Variants in CDH22 observed in about 807,000 individuals in gnomAD.
CDH22 encodes the protein cadherin-22.
In CDH22, 30 loss-of-function variants were observed where a neutral mutation model predicts 58.4. The ratio of observed to expected loss-of-function variants is 0.51; its 90% CI spans 0.38 to 0.70. The LOEUF is 0.70. Among genes scored for constraint, CDH22 ranks in the 30% least tolerant of loss-of-function variants. The pLI, the probability that CDH22 is intolerant of heterozygous loss-of-function variation, is 0.00. For missense variants in CDH22, 1,014 were observed against 1,233.9 expected, an observed-to-expected ratio of 0.82 and a Z score of 2.67; for synonymous variants, 513 against 558.2, an observed-to-expected ratio of 0.92 and a Z score of 1.14.
At chr20:46,271,415 C>T (rs958587272) in intron 1 of CDH22, among the ~76,000 whole-genome samples, 4 of 152,174 alleles carry the variant, frequency 2.6e-5, no homozygotes, top group African/African-American at 7.2e-5. Flanking sequence ...AGCATTTAAA[C>T]GTGCTCAAGT....
intron 1 of CDH22, among the ~76,000 whole-genome samples, chr20:46,290,781 C>A (rs1355933275): frequency 6.6e-6 from 1 of 151,842 alleles, no homozygotes; most frequent in African/African-American, 2.4e-5. Flanking sequence ...AGGGTGGGAG[C>A]TGGTGAAAGA....
chr20:46,258,294 C>T (rs2086416119), intron 1 of CDH22, among the ~76,000 whole-genome samples: 1 of 152,066 alleles, frequency 6.6e-6, no homozygotes, highest in Non-Finnish European at 1.5e-5. Context: ...CTGTTGCCCC[C>T]ACCCCCCAAC....
chr20:46,213,299 C>T, intron 5 of CDH22, 111 bp from the exon 6 acceptor site: 1 of 711,306 alleles, frequency 1.4e-6, no homozygotes. Context: ...GAGGACAGTG[C>T]CTGAAAGGGG....
chr20:46,248,846 A>G (rs978683852), intron 2 of CDH22, among the ~76,000 whole-genome samples: 1 of 152,098 alleles, frequency 6.6e-6, no homozygotes, highest in African/African-American at 2.4e-5. Context: ...CAACAACAAC[A>G]ACAAACACTT....
chr20:46,210,656 TCACACG>T lies in CDH22; in HGVS notation c.1033-102_1033-97del. The T allele has an allele frequency of 8.4e-7, 1 of 1,194,892 alleles. No individual in the cohort carries two copies. Among genetic ancestry groups the T allele is most frequent in the Non-Finnish European group, 1.1e-6 (1 of 898,130 alleles). 74.0% of individuals were successfully genotyped at this position (1,194,892 alleles called of 1,614,324 possible). A position where few individuals can be genotyped will look rare whatever the true frequency, so the allele number is the denominator to read the frequency against. Reference sequence around the variant, plus strand: ...CAAGGCAGGCGGGGTTGGCCCAAGGTCACACGTTGTCTCAGCAGGGGCGGCAGGGAT... The same window carrying T: ...CAAGGCAGGCGGGGTTGGCCCAAGGTTTGTCTCAGCAGGGGCGGCAGGGAT... On this transcript the variant is annotated intron_variant, in intron 6 of 11. Coordinates refer to ENST00000537909, the MANE Select transcript of CDH22 (RefSeq NM_021248.3). The surrounding 1 kb of genome is among the most constrained non-coding windows in gnomAD (Gnocchi z 4.5).
intron 10 of CDH22, among the ~76,000 whole-genome samples, chr20:46,182,462 G>A (rs2085795921): frequency 1.3e-5 from 2 of 152,210 alleles, no homozygotes; most frequent in South Asian, 2.1e-4. Flanking sequence ...GGCTGGCTCC[G>A]GCTCAGCTTC....
chr20:46,298,607 A>T (rs2086638473), intron 1 of CDH22, among the ~76,000 whole-genome samples: 2 of 152,044 alleles, frequency 1.3e-5, no homozygotes, highest in African/African-American at 4.8e-5. Context: ...CTGGAGGATG[A>T]TGGATTGGAT....
At position 46,174,848 on chromosome 20, in the gene CDH22, G is replaced by T; in HGVS notation, c.2145C>A (p.Gly715=). ...CCTGCGGGGGGCTGCCCGCGCCCCC[G>T]CCCGAGCCCCCGCCCGCTCCCCCGC... The part of the protein sequence containing the change: ...SAGGGAGGGS[G]GGAGSPPQAH... Residue 715 remains glycine (G), a synonymous_variant, in exon 12 of 12, where the codon GGC becomes GGA. Transcript: ENST00000537909. This position sits in a 1 kb window ranked among gnomAD's most constrained non-coding sequence, Gnocchi z 4.4. The T allele has an allele frequency of 2.1e-6, 1 of 484,612 alleles. No homozygotes were observed. Among genetic ancestry groups the T allele is most frequent in the Non-Finnish European group, 2.9e-6 (1 of 349,390 alleles). 30.0% of individuals were successfully genotyped at this position (484,612 alleles called of 1,614,324 possible). A position where few individuals can be genotyped will look rare whatever the true frequency, so the allele number is the denominator to read the frequency against.
intron 7 of CDH22, among the ~76,000 whole-genome samples, chr20:46,208,713 C>G (rs2086018180): frequency 6.6e-6 from 1 of 152,200 alleles, no homozygotes; most frequent in Non-Finnish European, 1.5e-5. Context: ...CCTGCCTCAG[C>G]CTCCAGAGTA....
At chr20:46,199,611 C>A in intron 7 of CDH22, 52 bp from the exon 8 acceptor site, 1 of 1,586,038 alleles carries the variant, frequency 6.3e-7, no homozygotes, top group South Asian at 1.1e-5. Context: ...CCAAATGGAG[C>A]CCATGTCCTT....
intron 7 of CDH22, among the ~76,000 whole-genome samples, chr20:46,208,405 T>C (rs2086016020): frequency 6.6e-6 from 1 of 152,186 alleles, no homozygotes; most frequent in Non-Finnish European, 1.5e-5. Context: ...TCTTCCCTTT[T>C]CTGGTTTCCT....
At chr20:46,189,703 G>A (rs1209943431) in intron 8 of CDH22, among the ~76,000 whole-genome samples, 1 of 152,226 alleles carries the variant, frequency 6.6e-6, no homozygotes. Context: ...TCCTTGGCAT[G>A]AGTGAGAGTC....
intron 4 of CDH22, among the ~76,000 whole-genome samples, chr20:46,226,231 C>CCTTCTTCTTCTTCTTCTTCTTCTT (rs74176857): frequency 7.6e-4 from 66 of 86,596 alleles, no homozygotes; most frequent in Admixed American, 1.7e-3. Flanking sequence ...TCTGGCAACA[C>CCTTCTTCTTCTTCTTCTTCTTCTT]CTTCTTCTTC....
At chr20:46,180,194 C>T (rs1385892825) in intron 10 of CDH22, among the ~76,000 whole-genome samples, 1 of 152,242 alleles carries the variant, frequency 6.6e-6, no homozygotes, top group Admixed American at 6.5e-5. Context: ...TGAACCACAG[C>T]TTTTGGGAGA....
intron 1 of CDH22, among the ~76,000 whole-genome samples, chr20:46,303,743 A>G (rs2086662456): frequency 6.6e-6 from 1 of 151,948 alleles, no homozygotes; most frequent in East Asian, 1.9e-4. Flanking sequence ...GCACAGTGGG[A>G]GATAAAGGAG....
At chr20:46,255,488 G>A (rs2086402055) in intron 1 of CDH22, among the ~76,000 whole-genome samples, 1 of 152,228 alleles carries the variant, frequency 6.6e-6, no homozygotes, top group South Asian at 2.1e-4. Context: ...AGTCACAACT[G>A]GCAGGGCAAG....
chr20:46,276,696 C>A (rs1211628443), intron 1 of CDH22, among the ~76,000 whole-genome samples: 1 of 152,166 alleles, frequency 6.6e-6, no homozygotes, highest in Non-Finnish European at 1.5e-5. Flanking sequence ...CTAATGACGA[C>A]GTTGGACTTT....
rs1255320149 is a variant in CDH22, at chr20:46,174,376, C to G, written c.*130G>C. On this transcript the variant is annotated 3_prime_UTR_variant, in exon 12 of 12. Transcript: ENST00000537909. This position sits in a 1 kb window ranked among gnomAD's most constrained non-coding sequence, Gnocchi z 4.4. ...AAGAGTCCGCTCCTAGCAAGTCCCC[C>G]CTCCGTCCAGCCGCCAAGGGAGGGT... 2.0e-5 allele frequency: 13 copies of G among 634,394 alleles called. No homozygotes were observed. The highest frequency in any genetic ancestry group is 1.3e-4 in the East Asian group (4 of 30,094). 39.3% of individuals were successfully genotyped at this position (634,394 alleles called of 1,614,324 possible).
chr20:46,277,698 C>A (rs1299161979), intron 1 of CDH22, among the ~76,000 whole-genome samples: 1 of 151,858 alleles, frequency 6.6e-6, no homozygotes, highest in Non-Finnish European at 1.5e-5. Flanking sequence ...GATAAGAGAC[C>A]AAGGGGGAGG....
Sources: gnomAD v4.1 joint callset for allele counts (sites outside exome capture counted in the v4.1 genomes callset) on GRCh38, gnomAD v4.1.1 for gene constraint, Gnocchi (gnomAD v3.1) non-coding constraint, MANE v1.5 for transcripts, NCBI Gene and HGNC (gene_info 2026-07-23, HGNC 2026-07-21) for gene names.